Variants in SV2B observed in about 807,000 individuals in gnomAD.
The protein encoded by SV2B is synaptic vesicle glycoprotein 2B.
In SV2B, 41 loss-of-function variants were observed where a neutral mutation model predicts 73.9. The observed-to-expected ratio is 0.56, with a 90% CI of 0.43 to 0.72. The LOEUF is 0.72. Among genes scored for constraint, SV2B ranks in the 30% least tolerant of loss-of-function variants. SV2B has a pLI of 0.00. For synonymous variants in SV2B, 314 were observed against 314.2 expected, an observed-to-expected ratio of 1.00 and a Z score of 0.01; for missense variants, 764 against 857.8, an observed-to-expected ratio of 0.89 and a Z score of 1.37.
rs1426962402 is a variant in SV2B, at chr15:91,241,393, A to C, written c.452-10426A>C. Among the ~76,000 whole-genome samples, 1 of 152,052 alleles carries C rather than the reference A, an allele frequency of 6.6e-6. No homozygotes were observed. Among genetic ancestry groups the C allele is most frequent in the Non-Finnish European group, 1.5e-5 (1 of 68,022 alleles). On this transcript the variant is annotated intron_variant, in intron 2 of 12. Transcript: ENST00000394232. The surrounding 1 kb of genome is among the most constrained non-coding windows in gnomAD (Gnocchi z 4.8). ...GGGTGGTCAGGAACACAGAACATACAATGTTGCCCACTGGCCTCACTAAAT... is the reference window on the plus strand; with the variant it reads ...GGGTGGTCAGGAACACAGAACATACCATGTTGCCCACTGGCCTCACTAAAT...
Position 91,284,179 on chromosome 15 carries a change from T to G in SV2B, c.1666T>G (p.Ser556Ala). The stretch of plus-strand genomic sequence containing the variant: ...GTCTGTCTTACCCGGGAACATCATT[T>G]CTGCCCTGCTCATGGATAGAATTGG... ...SLSVLPGNIISALLMDRIGRL... is the reference protein window; with the variant it reads ...SLSVLPGNIIAALLMDRIGRL... The change falls in exon 11 of 13, where the codon TCT (serine) becomes GCT (alanine). Residue 556 changes from serine to alanine, a missense_variant. By Grantham distance (99) the Ser-to-Ala change is moderately conservative (BLOSUM62 1). Coordinates refer to ENST00000394232, the MANE Select transcript of SV2B (RefSeq NM_001323032.3). The surrounding 1 kb of genome is among the most constrained non-coding windows in gnomAD (Gnocchi z 4.5). The G allele has an allele frequency of 6.2e-7, 1 of 1,614,228 alleles. No homozygotes were observed.
intron 1 of SV2B, among the ~76,000 whole-genome samples, chr15:91,171,816 T>A (rs2044131852): frequency 6.6e-6 from 1 of 152,206 alleles, no homozygotes; most frequent in African/African-American, 2.4e-5. Context: ...CAATGTTCCA[T>A]GGAGTGTTTG....
chr15:91,186,433 C>A (rs1384743361), intron 1 of SV2B, among the ~76,000 whole-genome samples: 2 of 152,096 alleles, frequency 1.3e-5, no homozygotes, highest in Admixed American at 6.6e-5. Context: ...AGTTTTGAAG[C>A]CTAGTCCACA....
At position 91,105,503 on chromosome 15, in the gene SV2B, G is replaced by C. The variant is rs2041858828; in HGVS notation, c.-392+5140G>C. ...GAGACAGGGTGAGCGTGGGAGAAGA[G>C]ATCAGAGAAGTAGCAGGGAGCCAGC... is the stretch of plus-strand genomic sequence containing the variant. On this transcript the variant is annotated intron_variant, in intron 1 of 12. Transcript: ENST00000394232. The surrounding 1 kb of genome is among the most constrained non-coding windows in gnomAD (Gnocchi z 5.5). Among the ~76,000 whole-genome samples, 1 of 152,210 alleles carries C rather than the reference G, an allele frequency of 6.6e-6. No homozygotes were observed. Among genetic ancestry groups the C allele is most frequent in the Non-Finnish European group, 1.5e-5 (1 of 68,034 alleles).
intron 1 of SV2B, among the ~76,000 whole-genome samples, chr15:91,202,773 G>C (rs1372971063): frequency 6.6e-6 from 1 of 152,184 alleles, no homozygotes; most frequent in Non-Finnish European, 1.5e-5. Context: ...GCTGAAGCTG[G>C]AAAGGTTGTA....
chr15:91,255,684 A>G (rs2047663295), intron 4 of SV2B, among the ~76,000 whole-genome samples: 1 of 152,232 alleles, frequency 6.6e-6, no homozygotes. Flanking sequence ...GTATGCCTGT[A>G]TGATATCTGT....
intron 1 of SV2B, among the ~76,000 whole-genome samples, chr15:91,196,571 T>C (rs1233088854): frequency 6.6e-6 from 1 of 152,138 alleles, no homozygotes; most frequent in Non-Finnish European, 1.5e-5. Flanking sequence ...GCTGAGCTGG[T>C]TGGAAGGGCC....
At position 91,253,496 on chromosome 15, in the gene SV2B, A is replaced by G. The variant is rs1426799211; in HGVS notation, c.784+976A>G. On this transcript the variant is annotated intron_variant, in intron 4 of 12. Transcript: ENST00000394232. The surrounding 1 kb of genome is among the most constrained non-coding windows in gnomAD (Gnocchi z 5.0). ...CCTACTGTATTAGTTAAGGTGTTGG[A>G]CACTGGGTACATTACCTTGACAAGC... is the stretch of plus-strand genomic sequence containing the variant. Among the ~76,000 whole-genome samples, 1 of 152,242 alleles carries G rather than the reference A, an allele frequency of 6.6e-6. No homozygotes were observed. Among genetic ancestry groups the G allele is most frequent in the African/African-American group, 2.4e-5 (1 of 41,460 alleles).
At chr15:91,111,635 G>A (rs1196375536) in intron 1 of SV2B, among the ~76,000 whole-genome samples, 1 of 152,210 alleles carries the variant, frequency 6.6e-6, no homozygotes, top group Non-Finnish European at 1.5e-5. Flanking sequence ...ACCTGAAAAT[G>A]CATGGTTGAT....
rs369745123 is a variant in SV2B, at chr15:91,252,040, A to G, written c.632+41A>G. 71 of 1,600,256 alleles carry G rather than the reference A, an allele frequency of 4.4e-5. No individual in the cohort carries two copies. The highest frequency in any genetic ancestry group is 7.8e-5 in the South Asian group (7 of 89,178). On this transcript the variant is annotated intron_variant, in intron 3 of 12. Transcript: ENST00000394232. The surrounding 1 kb of genome is among the most constrained non-coding windows in gnomAD (Gnocchi z 4.6). ...GGTGGAGCTGGACCATCCCAGACCA[A>G]TGGCCCATCCATTCTGGTATTCTAG...
chr15:91,117,425 C>T (rs1379225795), intron 1 of SV2B, among the ~76,000 whole-genome samples: 2 of 152,158 alleles, frequency 1.3e-5, no homozygotes, highest in Non-Finnish European at 2.9e-5. Flanking sequence ...TAACAAATAG[C>T]CCTAATTATT....
chr15:91,158,296 C>T (rs1363581039), intron 1 of SV2B, among the ~76,000 whole-genome samples: 2 of 152,122 alleles, frequency 1.3e-5, no homozygotes, highest in African/African-American at 4.8e-5. Context: ...AGATGTGTGA[C>T]TTTGGGCAAG....
At position 91,121,930 on chromosome 15, in the gene SV2B, AC is replaced by A. The variant is rs1362879056; in HGVS notation, c.-392+21572del. Among the ~76,000 whole-genome samples the A allele has an allele frequency of 1.3e-5, 2 of 151,754 alleles. No homozygotes were observed. The highest frequency in any genetic ancestry group is 2.9e-5 in the Non-Finnish European group (2 of 67,932). On this transcript the variant is annotated intron_variant, in intron 1 of 12. Transcript: ENST00000394232. This position sits in a 1 kb window ranked among gnomAD's most constrained non-coding sequence, Gnocchi z 4.4. Reference sequence around the variant, plus strand: ...GCTGGGACTACAGGTGCCTGCCACCACCCCCAGCTAATTTTTTGTATTTTTA... The same window carrying A: ...GCTGGGACTACAGGTGCCTGCCACCACCCCAGCTAATTTTTTGTATTTTTA...
intron 1 of SV2B, among the ~76,000 whole-genome samples, chr15:91,194,972 T>A (rs2045191287): frequency 6.7e-6 from 1 of 149,834 alleles, no homozygotes; most frequent in South Asian, 2.1e-4. Context: ...ATATTCAGGA[T>A]CAGAATGAAG....
chr15:91,113,889 G>A (rs931656022), intron 1 of SV2B, among the ~76,000 whole-genome samples: 11 of 152,208 alleles, frequency 7.2e-5, no homozygotes, highest in South Asian at 2.1e-4. Flanking sequence ...TTGTCAGTGC[G>A]TAGTAGGGTA....
chr15:91,252,238 T>A lies in SV2B; in HGVS notation c.633-131T>A. ...TTCCCACATGTAGAGAGGAACTAACTGGCCGGTCTCTCAAATTCACTGGGT... is the reference window on the plus strand; with the variant it reads ...TTCCCACATGTAGAGAGGAACTAACAGGCCGGTCTCTCAAATTCACTGGGT... On this transcript the variant is annotated intron_variant, in intron 3 of 12. Transcript: ENST00000394232. The surrounding 1 kb of genome is among the most constrained non-coding windows in gnomAD (Gnocchi z 4.6). 7.7e-7 allele frequency: 1 copy of A among 1,296,526 alleles called. No homozygotes were observed. Among genetic ancestry groups the A allele is most frequent in the Non-Finnish European group, 1.1e-6 (1 of 943,908 alleles). 80.3% of individuals were successfully genotyped at this position (1,296,526 alleles called of 1,614,324 possible).
rs148825529 is a variant in SV2B, at chr15:91,142,708, G to C, written c.-392+42345G>C. ...AGAGGGGTCAAATAATATGCCCAAGGCCACTCAGACAGTAAATAGAAGGTC... is the reference window on the plus strand; with the variant it reads ...AGAGGGGTCAAATAATATGCCCAAGCCCACTCAGACAGTAAATAGAAGGTC... On this transcript the variant is annotated intron_variant, in intron 1 of 12. Transcript: ENST00000394232. Among the ~76,000 whole-genome samples, 857 of 152,212 alleles carry C rather than the reference G, an allele frequency of 5.6e-3. 6 individuals are homozygous for C. Among genetic ancestry groups the C allele is most frequent in the African/African-American group, 0.019 (772 of 41,542 alleles).
At chr15:91,172,206 T>C (rs559384864) in intron 1 of SV2B, among the ~76,000 whole-genome samples, 2 of 152,328 alleles carry the variant, frequency 1.3e-5, no homozygotes, top group Admixed American at 1.3e-4. Flanking sequence ...TTCCAGCCTC[T>C]TCTCCTCCCC....
rs1395958283 is a variant in SV2B, at chr15:91,245,865, A to G, written c.452-5954A>G. Reference sequence around the variant, plus strand: ...ACCTATGACCAATTTTTTTTTTAACATTTTTAAAGGGTTGTAAATTTAGGA... The same window carrying G: ...ACCTATGACCAATTTTTTTTTTAACGTTTTTAAAGGGTTGTAAATTTAGGA... On this transcript the variant is annotated intron_variant, in intron 2 of 12. Transcript: ENST00000394232. The surrounding 1 kb of genome is among the most constrained non-coding windows in gnomAD (Gnocchi z 4.2). Among the ~76,000 whole-genome samples, 1 of 152,018 alleles carries G rather than the reference A, an allele frequency of 6.6e-6. No homozygotes were observed. The highest frequency in any genetic ancestry group is 1.5e-5 in the Non-Finnish European group (1 of 67,980).
Sources: gnomAD v4.1 joint callset for allele counts (sites outside exome capture counted in the v4.1 genomes callset) on GRCh38, gnomAD v4.1.1 for gene constraint, Gnocchi (gnomAD v3.1) non-coding constraint, MANE v1.5 for transcripts, NCBI Gene and HGNC (gene_info 2026-07-23, HGNC 2026-07-21) for gene names.